The following DDX4 variants were observed in gnomAD, a reference collection of about 807,000 sequenced individuals.
DDX4 encodes DEAD-box helicase 4.
Under a neutral mutation model 100.0 loss-of-function variants are expected in DDX4, and 25 were observed. The ratio of observed to expected loss-of-function variants is 0.25; its 90% CI spans 0.18 to 0.35. DDX4 has a LOEUF of 0.35. DDX4 is among the 10% of genes least tolerant of loss of function. The pLI is 1.00. For synonymous variants in DDX4, 259 were observed against 275.7 expected, an observed-to-expected ratio of 0.94 and a Z score of 0.60; for missense variants, 635 against 882.4, an observed-to-expected ratio of 0.72 and a Z score of 3.55.
chr5:55,776,134 A>G (rs187157002), intron 7 of DDX4, among the ~76,000 whole-genome samples: 4 of 152,188 alleles, frequency 2.6e-5, no homozygotes, highest in Admixed American at 2.6e-4. Context: ...AACAAAAAAC[A>G]AGAAAAGGAC....
chr5:55,786,834 C>G (rs767497742), intron 14 of DDX4, among the ~76,000 whole-genome samples, 164 bp downstream of exon 14: 2 of 152,162 alleles, frequency 1.3e-5, no homozygotes, highest in Admixed American at 6.5e-5. Context: ...TTGTGTACTT[C>G]GGAAGAAAGA....
At chr5:55,776,276 CGA>C (rs1741556876) in intron 7 of DDX4, among the ~76,000 whole-genome samples, 1 of 151,978 alleles carries the variant, frequency 6.6e-6, no homozygotes, top group African/African-American at 2.4e-5. Context: ...ATGGAAAACA[CGA>C]GAGTGGTTAA....
chr5:55,783,765 A>G (rs1055330325), intron 10 of DDX4, among the ~76,000 whole-genome samples: 6 of 151,864 alleles, frequency 4.0e-5, no homozygotes, highest in Non-Finnish European at 7.4e-5. Context: ...AAGTCCTATG[A>G]TAGGCTGTCT....
At chr5:55,786,489 G>C (rs928779404) in intron 13 of DDX4, 29 bp from the exon 14 acceptor site, 2 of 1,570,642 alleles carry the variant, frequency 1.3e-6, no homozygotes, top group Non-Finnish European at 1.7e-6. Flanking sequence ...TATATAGAAT[G>C]TAATCACTGC....
In DDX4 at chr5:55,767,894, C is replaced by T. The variant is rs758326078; in HGVS notation, c.348C>T (p.Asp116=). Residue 116 remains aspartate (D), a synonymous_variant, in exon 7 of 22, where the codon GAC becomes GAT. Coordinates refer to ENST00000505374, the MANE Select transcript of DDX4 (RefSeq NM_024415.3). ...SSGFWRESSN[D]CEDNPTRNRG... ...TTTTTATTGAAGAGTCTAGTAATGA[C>T]TGCGAAGATAATCCAACACGGAACA... 2.5e-6 allele frequency: 4 copies of T among 1,613,762 alleles called. No homozygotes were observed. The highest frequency in any genetic ancestry group is 3.4e-6 in the Non-Finnish European group (4 of 1,179,804).
intron 6 of DDX4, among the ~76,000 whole-genome samples, chr5:55,765,413 A>AAAAAAAT (rs1392558099): frequency 4.7e-4 from 39 of 82,996 alleles, no homozygotes; most frequent in East Asian, 4.3e-3. Flanking sequence ...AAAAAAAAAA[A>AAAAAAAT]ATATATATAT....
intron 3 of DDX4, among the ~76,000 whole-genome samples, chr5:55,758,283 CATAAT>C (rs903505830): frequency 1.3e-5 from 2 of 152,022 alleles, no homozygotes; most frequent in African/African-American, 4.8e-5. Context: ...CCCAATTAGT[CATAAT>C]ATATTTTATC....
chr5:55,764,773 G>C (rs2111826024), intron 6 of DDX4, among the ~76,000 whole-genome samples: 1 of 152,238 alleles, frequency 6.6e-6, no homozygotes, highest in African/African-American at 2.4e-5. Context: ...ATTTTTCTAA[G>C]CCAGTTTTCT....
chr5:55,741,813 A>G (rs1182045930), intron 2 of DDX4, among the ~76,000 whole-genome samples: 1 of 151,942 alleles, frequency 6.6e-6, no homozygotes, highest in African/African-American at 2.4e-5. Context: ...TGCAGAAACT[A>G]GAGATGAATA....
chr5:55,810,157 T>C (rs1001209709), intron 18 of DDX4, among the ~76,000 whole-genome samples: 15 of 152,104 alleles, frequency 9.9e-5, no homozygotes, highest in Middle Eastern at 6.8e-3. Context: ...CAGGCTAGAG[T>C]GTGACTGCGT....
chr5:55,754,568 G>A (rs1418280482), intron 3 of DDX4, among the ~76,000 whole-genome samples: 3 of 149,828 alleles, frequency 2.0e-5, no homozygotes, highest in Admixed American at 6.7e-5. Context: ...TGCTGGATTC[G>A]GTTTGCCAGT....
At chr5:55,774,265 C>T (rs185449947) in intron 7 of DDX4, among the ~76,000 whole-genome samples, 2 of 151,986 alleles carry the variant, frequency 1.3e-5, no homozygotes, top group Non-Finnish European at 1.5e-5. Context: ...AGTCCTCCCA[C>T]CTCAGCCTCC....
chr5:55,775,381 G>A (rs180732398), intron 7 of DDX4, among the ~76,000 whole-genome samples: 12 of 152,240 alleles, frequency 7.9e-5, no homozygotes, highest in African/African-American at 2.6e-4. Flanking sequence ...TTGAGTTGCC[G>A]GGAGATGGAA....
At chr5:55,765,088 C>T (rs1309388827) in intron 6 of DDX4, among the ~76,000 whole-genome samples, 2 of 151,950 alleles carry the variant, frequency 1.3e-5, no homozygotes, top group African/African-American at 4.8e-5. Context: ...TTTCTCCTAT[C>T]CCGTTCAAAT....
Position 55,750,960 on chromosome 5 carries a change from A to G in DDX4, c.127+4739A>G, listed in dbSNP as rs149572025. On this transcript the variant is annotated intron_variant, in intron 3 of 21. Transcript: ENST00000505374. ...TTACCTCCTGTTCCCCTCTGTTACC[A>G]TAGGATGGGCATTCTTGTATATGTT... 2.2e-3 allele frequency among the ~76,000 whole-genome samples: 331 copies of G among 152,252 alleles called. 1 individual carries two copies. Among genetic ancestry groups the G allele is most frequent in the African/African-American group, 6.0e-3 (250 of 41,532 alleles).
chr5:55,751,149 A>G lies in DDX4; in HGVS notation c.127+4928A>G, dbSNP rs143227263. Among the ~76,000 whole-genome samples the G allele has an allele frequency of 2.2e-3, 331 of 152,358 alleles. 1 individual carries two copies. Among genetic ancestry groups the G allele is most frequent in the African/African-American group, 6.0e-3 (250 of 41,586 alleles). On this transcript the variant is annotated intron_variant, in intron 3 of 21. Coordinates refer to ENST00000505374, the MANE Select transcript of DDX4 (RefSeq NM_024415.3). ...CCATCATTAGGATGTGAGGGTTCTC[A>G]TAGTCCCTATATTCCCACCAACATT...
At chr5:55,767,407 A>G (rs888220895) in intron 6 of DDX4, among the ~76,000 whole-genome samples, 4 of 152,322 alleles carry the variant, frequency 2.6e-5, no homozygotes, top group Admixed American at 6.5e-5. Flanking sequence ...GTGCCAGTGC[A>G]CTCCAGCCTG....
intron 4 of DDX4, among the ~76,000 whole-genome samples, chr5:55,761,659 G>A (rs1740557595): frequency 6.6e-6 from 1 of 151,442 alleles, no homozygotes; most frequent in Admixed American, 6.6e-5. Flanking sequence ...CTAGGCTGGA[G>A]TACAATGGCA....
chr5:55,783,690 A>AATGG (rs1006771086), intron 10 of DDX4, among the ~76,000 whole-genome samples: 3 of 123,932 alleles, frequency 2.4e-5, no homozygotes, highest in East Asian at 3.9e-4. Context: ...TGGATGGATG[A>AATGG]ATGGATGGAT....
Sources: gnomAD v4.1 joint callset for allele counts (sites outside exome capture counted in the v4.1 genomes callset) on GRCh38, gnomAD v4.1.1 for gene constraint, MANE v1.5 for transcripts, NCBI Gene and HGNC (gene_info 2026-07-23, HGNC 2026-07-21) for gene names.